CMTM8: variants seen among roughly 807,000 people sequenced by gnomAD.
The protein encoded by CMTM8 is CKLF like MARVEL transmembrane domain containing 8.
A neutral mutation model predicts 18.6 loss-of-function variants in CMTM8; 12 were observed. The observed-to-expected ratio is 0.65, with a 90% CI of 0.41 to 1.05. The LOEUF (loss-of-function observed/expected upper bound fraction) is 1.05, where lower values mean the gene tolerates loss of function less well. Ranked by LOEUF, CMTM8 falls within the 50% of genes least tolerant of loss-of-function variation. CMTM8 has a pLI of 0.00. For synonymous variants in CMTM8, 87 were observed against 90.6 expected (o/e 0.96, Z 0.23); for missense variants, 217 against 227.2 (o/e 0.95, Z 0.29).
At chr3:32,292,240 A>C (rs184931171) in intron 1 of CMTM8, among the ~76,000 whole-genome samples, 72 of 152,290 alleles carry the variant, frequency 4.7e-4, no homozygotes, top group Non-Finnish European at 8.8e-4. Context: ...CCCCACCTTC[A>C]TCATGCAGGG....
At chr3:32,361,289 T>TG (rs1553608175) in intron 2 of CMTM8, among the ~76,000 whole-genome samples, 49 of 143,730 alleles carry the variant, frequency 3.4e-4, no homozygotes, top group Middle Eastern at 3.5e-3. Context: ...CCTAAGAGTT[T>TG]TTTTTTCTTT....
chr3:32,280,438 G>T (rs894350911), intron 1 of CMTM8, among the ~76,000 whole-genome samples: 1 of 151,948 alleles, frequency 6.6e-6, no homozygotes, highest in African/African-American at 2.4e-5. Context: ...GTATAACTTT[G>T]TAACTTCACT....
At chr3:32,318,055 C>CAAAAAA (rs60403582) in intron 1 of CMTM8, among the ~76,000 whole-genome samples, 5 of 85,812 alleles carry the variant, frequency 5.8e-5, no homozygotes, top group East Asian at 3.7e-4. Context: ...AACTCTGTCT[C>CAAAAAA]AAAAAAAAAA....
At chr3:32,265,625 G>A (rs1320895494) in intron 1 of CMTM8, among the ~76,000 whole-genome samples, 2 of 152,000 alleles carry the variant, frequency 1.3e-5, no homozygotes, top group Non-Finnish European at 1.5e-5. Flanking sequence ...GAAGGAAATA[G>A]AGACACAAAA....
At chr3:32,302,391 A>G (rs1221234607) in intron 1 of CMTM8, among the ~76,000 whole-genome samples, 6 of 152,314 alleles carry the variant, frequency 3.9e-5, no homozygotes, top group East Asian at 3.9e-4. Flanking sequence ...ACAAAATGCA[A>G]TTTTCTGCCT....
At chr3:32,311,680 T>C (rs1031649678) in intron 1 of CMTM8, among the ~76,000 whole-genome samples, 2 of 152,172 alleles carry the variant, frequency 1.3e-5, no homozygotes, top group Non-Finnish European at 2.9e-5. Flanking sequence ...GCCACATGTG[T>C]AGTTCTTTTT....
chr3:32,275,295 G>A (rs1015192046), intron 1 of CMTM8, among the ~76,000 whole-genome samples: 5 of 152,056 alleles, frequency 3.3e-5, no homozygotes, highest in Admixed American at 3.3e-4. Flanking sequence ...TTTTCTGCAA[G>A]CTAAATGTGA....
chr3:32,261,214 A>G (rs1702253932), intron 1 of CMTM8, among the ~76,000 whole-genome samples: 1 of 151,948 alleles, frequency 6.6e-6, no homozygotes, highest in South Asian at 2.1e-4. Context: ...AAATGCTATG[A>G]GTTTTACAAT....
intron 1 of CMTM8, among the ~76,000 whole-genome samples, chr3:32,320,261 G>A (rs1243886109): frequency 2.0e-5 from 3 of 152,162 alleles, no homozygotes; most frequent in African/African-American, 7.2e-5. Flanking sequence ...TAAACAAAAC[G>A]TGGTATACCA....
intron 1 of CMTM8, among the ~76,000 whole-genome samples, chr3:32,277,906 T>A (rs1702544017): frequency 6.6e-6 from 1 of 152,222 alleles, no homozygotes; most frequent in Admixed American, 6.5e-5. Context: ...TTGGTCAAGA[T>A]GCATGTTTGA....
At position 32,367,991 on chromosome 3, in the gene CMTM8, G is replaced by A. The variant is rs2125606454; in HGVS notation, c.438+3G>A. ...TCAACAGCTGGGCGGCCTCATCGGTGAGTAGCCCTCCATCCCCACATGATC... is the reference window on the plus strand; with the variant it reads ...TCAACAGCTGGGCGGCCTCATCGGTAAGTAGCCCTCCATCCCCACATGATC... On this transcript the variant is annotated splice_donor_region_variant and intron_variant, in intron 3 of 3. Transcript: ENST00000307526. 2 of 1,583,580 alleles carry A rather than the reference G, an allele frequency of 1.3e-6. No individual in the cohort carries two copies. The highest frequency in any genetic ancestry group is 2.2e-5 in the East Asian group (1 of 44,726).
chr3:32,271,354 G>T (rs113715439), intron 1 of CMTM8, among the ~76,000 whole-genome samples: 1 of 152,122 alleles, frequency 6.6e-6, no homozygotes, highest in African/African-American at 2.4e-5. Context: ...CATCGACCTC[G>T]GGTGACCCGC....
At chr3:32,280,846 C>CAAAAAAGA (rs1702597313) in intron 1 of CMTM8, among the ~76,000 whole-genome samples, 1 of 68,174 alleles carries the variant, frequency 1.5e-5, no homozygotes, top group Non-Finnish European at 2.6e-5. Context: ...AGAAAATAGG[C>CAAAAAAGA]AAAAAAAAAA....
intron 1 of CMTM8, among the ~76,000 whole-genome samples, chr3:32,356,687 C>T (rs1027372850): frequency 1.3e-5 from 2 of 152,188 alleles, no homozygotes; most frequent in Non-Finnish European, 2.9e-5. Flanking sequence ...CCCAGAGGTT[C>T]GTCCCTTGAA....
Position 32,367,864 on chromosome 3 carries a change from C to A in CMTM8, c.322-8C>A, listed in dbSNP as rs1697068771. 6.3e-7 allele frequency: 1 copy of A among 1,586,794 alleles called. No homozygotes were observed. Among genetic ancestry groups the A allele is most frequent in the South Asian group, 1.1e-5 (1 of 90,400 alleles). ...CTCCCTAAACACTCTGCCCCTGTGT[C>A]CCCCCAGGGCCTGTGCTTTAACGGC... On this transcript the variant is annotated splice_polypyrimidine_tract_variant and splice_region_variant and intron_variant, in intron 2 of 3. Coordinates refer to ENST00000307526, the MANE Select transcript of CMTM8 (RefSeq NM_178868.5).
Position 32,260,268 on chromosome 3 carries a change from C to T in CMTM8, c.147+21149C>T, listed in dbSNP as rs138891553. 2.9e-4 allele frequency: 337 copies of T among 1,158,922 alleles called. No individual in the cohort carries two copies. The African/African-American group carries it at 2.9e-3, about 10-fold the overall frequency. The allele number at this position is 1,158,922 out of a possible 1,614,324, so 71.8% of individuals were successfully genotyped here. ...AGGGTACCCTTTGGGGATCAGGAGG[C>T]CAATAAAAAGTTCAGAGGTCATTGG... On this transcript the variant is annotated intron_variant, in intron 1 of 3. Coordinates refer to ENST00000307526, the MANE Select transcript of CMTM8 (RefSeq NM_178868.5).
At position 32,326,440 on chromosome 3, in the gene CMTM8, T is replaced by C. The variant is rs558833161; in HGVS notation, c.148-30933T>C. Among the ~76,000 whole-genome samples the C allele has an allele frequency of 2.6e-5, 4 of 152,082 alleles. No homozygotes were observed. The South Asian group carries it at 8.3e-4, about 32-fold the overall frequency. On this transcript the variant is annotated intron_variant, in intron 1 of 3. Coordinates refer to ENST00000307526, the MANE Select transcript of CMTM8 (RefSeq NM_178868.5). ...GCCTTTTACCCTGTCCTCAAAGCAGTTAGGTGCCAAATCCCAGCCTCATCC... is the reference window on the plus strand; with the variant it reads ...GCCTTTTACCCTGTCCTCAAAGCAGCTAGGTGCCAAATCCCAGCCTCATCC...
At chr3:32,362,293 T>A (rs6790676) in intron 2 of CMTM8, among the ~76,000 whole-genome samples, 4 of 151,798 alleles carry the variant, frequency 2.6e-5, no homozygotes, top group Non-Finnish European at 5.9e-5. Context: ...TCTGCCCGTC[T>A]TCGTCTCCCA....
At chr3:32,361,708 G>A (rs1015664584) in intron 2 of CMTM8, among the ~76,000 whole-genome samples, 1 of 152,112 alleles carries the variant, frequency 6.6e-6, no homozygotes, top group Non-Finnish European at 1.5e-5. Flanking sequence ...AATGTGTCTG[G>A]GGAGGTAGAA....
Sources: allele counts gnomAD v4.1 joint callset (sites outside exome capture counted in the v4.1 genomes callset), GRCh38; gene constraint gnomAD v4.1.1; transcripts MANE v1.5; gene names NCBI Gene and HGNC (gene_info 2026-07-23, HGNC 2026-07-21).